The following LEKR1 variants were observed in gnomAD, a reference collection of about 807,000 sequenced individuals.
LEKR1 encodes the protein leucine, glutamate and lysine rich 1.
Under a neutral mutation model 72.4 loss-of-function variants are expected in LEKR1, and 59 were observed. That is an observed-to-expected ratio of 0.82 (90% CI 0.66 to 1.01). The LOEUF (loss-of-function observed/expected upper bound fraction) is 1.01. Ranked by LOEUF, LEKR1 falls within the 50% of genes least tolerant of loss-of-function variation. The pLI, the probability that LEKR1 is intolerant of heterozygous loss-of-function variation, is 0.00. For missense variants in LEKR1, 728 were observed against 759.2 expected (o/e 0.96, Z 0.48); for synonymous variants, 257 against 263.2 (o/e 0.98, Z 0.23).
At chr3:156,928,152 A>G (rs962676133) in intron 5 of LEKR1, among the ~76,000 whole-genome samples, 1 of 152,078 alleles carries the variant, frequency 6.6e-6, no homozygotes, top group Admixed American at 6.6e-5. Context: ...GACAGAGGAT[A>G]AATGAGAAGA....
In LEKR1 at chr3:156,974,493, C is replaced by T. The variant is rs992402238; in HGVS notation, c.746-4701C>T. Among the ~76,000 whole-genome samples, 17 of 152,246 alleles carry T rather than the reference C, an allele frequency of 1.1e-4. No homozygotes were observed. The Middle Eastern group carries it at 0.014, about 122-fold the overall frequency. On this transcript the variant is annotated intron_variant, in intron 6 of 12. Transcript: ENST00000356539. Reference sequence around the variant, plus strand: ...ACAACGCTCCTTGTTACCATATTCACCTCCAGCTGCAATTCAGTTTTTCTG... The same window carrying T: ...ACAACGCTCCTTGTTACCATATTCATCTCCAGCTGCAATTCAGTTTTTCTG...
chr3:157,016,821 T>C (rs533801280), intron 10 of LEKR1, among the ~76,000 whole-genome samples: 1 of 152,288 alleles, frequency 6.6e-6, no homozygotes, highest in Non-Finnish European at 1.5e-5. Flanking sequence ...TCTTATACAA[T>C]ACATGTAGTG....
intron 2 of LEKR1, among the ~76,000 whole-genome samples, chr3:156,843,630 A>G (rs1184309908): frequency 1.3e-5 from 2 of 152,184 alleles, no homozygotes; most frequent in African/African-American, 4.8e-5. Context: ...GTACTTTGGA[A>G]CTTTGAAATT....
chr3:156,883,400 A>C (rs1719697082), intron 3 of LEKR1, among the ~76,000 whole-genome samples: 1 of 152,226 alleles, frequency 6.6e-6, no homozygotes, highest in South Asian at 2.1e-4. Flanking sequence ...TTTTGAGTTA[A>C]TGCTGAAATG....
intron 11 of LEKR1, 143 bp downstream of exon 11, chr3:157,025,067 G>C (rs943723755): frequency 1.8e-6 from 1 of 550,520 alleles, no homozygotes; most frequent in African/African-American, 1.9e-5. Context: ...ATGCAGGTAA[G>C]ACGGTTTGGC....
chr3:157,034,231 A>G (rs1270527515), intron 12 of LEKR1, among the ~76,000 whole-genome samples: 1 of 152,220 alleles, frequency 6.6e-6, no homozygotes, highest in Non-Finnish European at 1.5e-5. Context: ...TTTAAGAAAT[A>G]TATTTCATAA....
intron 2 of LEKR1, among the ~76,000 whole-genome samples, chr3:156,837,888 T>C (rs1284645239): frequency 6.6e-6 from 1 of 152,186 alleles, no homozygotes; most frequent in African/African-American, 2.4e-5. Context: ...TGCTGTACCA[T>C]AGCTGTGGGG....
At position 157,020,801 on chromosome 3, in the gene LEKR1, G is replaced by A. The variant is rs1733774197; in HGVS notation, c.1204-3959G>A. ...TCCTTTGGGTATATACCCAGTAATG[G>A]GATTGCTGGGTCAAATGGTATTTCT... is the stretch of plus-strand genomic sequence containing the variant. On this transcript the variant is annotated intron_variant, in intron 10 of 12. Transcript: ENST00000356539. Among the ~76,000 whole-genome samples the A allele has an allele frequency of 4.6e-5, 7 of 152,148 alleles. 1 individual carries two copies. In the South Asian group the frequency reaches 1.2e-3, roughly 27 times the overall value.
chr3:156,961,681 A>G (rs1728144649), intron 6 of LEKR1, among the ~76,000 whole-genome samples: 1 of 152,172 alleles, frequency 6.6e-6, no homozygotes, highest in Admixed American at 6.5e-5. Context: ...AGTTGGAAAA[A>G]ATACTGAGCT....
intron 10 of LEKR1, among the ~76,000 whole-genome samples, chr3:157,015,084 C>T (rs1198880669): frequency 6.6e-6 from 1 of 152,160 alleles, no homozygotes; most frequent in African/African-American, 2.4e-5. Context: ...AGAAGTCAAA[C>T]AAGGTGAGCC....
chr3:156,968,052 A>G (rs1728795436), intron 6 of LEKR1, among the ~76,000 whole-genome samples: 1 of 152,258 alleles, frequency 6.6e-6, no homozygotes, highest in South Asian at 2.1e-4. Context: ...GAGAAATAAA[A>G]TCCTTTACAG....
intron 3 of LEKR1, among the ~76,000 whole-genome samples, chr3:156,902,518 G>A (rs1024239954): frequency 2.6e-5 from 4 of 151,864 alleles, no homozygotes; most frequent in South Asian, 4.2e-4. Flanking sequence ...TTTAGCTGAG[G>A]GACAAACATA....
rs570539655 is a variant in LEKR1 at position 157,007,118 on chromosome 3, C to T, written c.1110-4295C>T. ...TCGGGAGGCTGAGGCAGGAGAATGGCGTGAACCCGGGAGGCGGAGCTTGCA... is the reference window on the plus strand; with the variant it reads ...TCGGGAGGCTGAGGCAGGAGAATGGTGTGAACCCGGGAGGCGGAGCTTGCA... On this transcript the variant is annotated intron_variant, in intron 9 of 12. Coordinates refer to ENST00000356539, the MANE Select transcript of LEKR1 (RefSeq NM_001004316.3). Among the ~76,000 whole-genome samples the T allele has an allele frequency of 4.3e-3, 661 of 152,254 alleles. 2 individuals carry two copies. Among genetic ancestry groups the T allele is most frequent in the African/African-American group, 0.015 (636 of 41,526 alleles).
chr3:156,997,944 G>A (rs1369411887), intron 9 of LEKR1, among the ~76,000 whole-genome samples: 1 of 152,218 alleles, frequency 6.6e-6, no homozygotes, highest in African/African-American at 2.4e-5. Flanking sequence ...AGGAAAAGAA[G>A]TAGGTCTTCT....
intron 10 of LEKR1, among the ~76,000 whole-genome samples, chr3:157,012,885 T>A (rs10936049): frequency 0.091 from 13,799 of 152,108 alleles, 689 homozygotes; most frequent in African/African-American, 0.12. Context: ...TTCCCTTTCC[T>A]TATTCTTACC....
chr3:156,840,306 A>G (rs995446594), intron 2 of LEKR1, among the ~76,000 whole-genome samples: 3 of 152,168 alleles, frequency 2.0e-5, no homozygotes, highest in Non-Finnish European at 4.4e-5. Context: ...TCAACTATAT[A>G]TCAACTCATT....
intron 9 of LEKR1, among the ~76,000 whole-genome samples, chr3:157,008,869 A>C (rs1732671132): frequency 6.6e-6 from 1 of 152,058 alleles, no homozygotes; most frequent in Admixed American, 6.6e-5. Flanking sequence ...AGGATTATTC[A>C]TTTCTTCATC....
intron 3 of LEKR1, among the ~76,000 whole-genome samples, chr3:156,911,906 C>A (rs1007559474): frequency 3.3e-5 from 5 of 151,934 alleles, no homozygotes; most frequent in African/African-American, 4.8e-5. Context: ...GTTACTGTAG[C>A]CTTATGGTAT....
chr3:157,024,989 C>T (rs1734087258), intron 11 of LEKR1, 65 bp downstream of exon 11: 3 of 1,081,268 alleles, frequency 2.8e-6, no homozygotes, highest in South Asian at 3.0e-5. Context: ...TATATTTCGC[C>T]TTAGAACACT....
Sources: allele counts gnomAD v4.1 joint callset (sites outside exome capture counted in the v4.1 genomes callset), GRCh38; gene constraint gnomAD v4.1.1; transcripts MANE v1.5; gene names NCBI Gene and HGNC (gene_info 2026-07-23, HGNC 2026-07-21).